CDH13: variants seen among roughly 807,000 people sequenced by gnomAD.
CDH13 encodes the protein cadherin 13.
In CDH13, 24 loss-of-function variants were observed where a neutral mutation model predicts 63.8. That is an observed-to-expected ratio of 0.38 (90% CI 0.27 to 0.53). The LOEUF (loss-of-function observed/expected upper bound fraction) is 0.53, where lower values mean the gene tolerates loss of function less well. Ranked by LOEUF, CDH13 falls within the 20% of genes least tolerant of loss-of-function variation. The probability of loss-of-function intolerance (pLI) is 0.85; values close to 1 mark genes in which losing one functional copy is unlikely to be tolerated. For missense variants in CDH13, 1,049 were observed against 903.1 expected, an observed-to-expected ratio of 1.16 and a Z score of -2.07; for synonymous variants, 503 against 355.3, an observed-to-expected ratio of 1.42 and a Z score of -4.67.
chr16:82,708,684 C>T (rs886080976), intron 1 of CDH13, among the ~76,000 whole-genome samples: 1 of 152,142 alleles, frequency 6.6e-6, no homozygotes, highest in Non-Finnish European at 1.5e-5. Context: ...GTCTAAAACA[C>T]CATGACCACT....
intron 5 of CDH13, among the ~76,000 whole-genome samples, chr16:83,255,062 A>G (rs913022922): frequency 2.6e-4 from 40 of 151,048 alleles, no homozygotes; most frequent in African/African-American, 7.4e-4. Flanking sequence ...TTCTTTGCCC[A>G]AGGTGTCTGT....
chr16:82,904,927 C>T (rs1379601170), intron 2 of CDH13, among the ~76,000 whole-genome samples: 4 of 152,078 alleles, frequency 2.6e-5, no homozygotes, highest in Admixed American at 1.3e-4. Flanking sequence ...CCATGGAGTG[C>T]AGTTTCTCCC....
chr16:82,634,191 G>A (rs975927003), intron 1 of CDH13, among the ~76,000 whole-genome samples: 2 of 152,254 alleles, frequency 1.3e-5, no homozygotes, highest in African/African-American at 4.8e-5. Flanking sequence ...CCGGAAATGA[G>A]CTCAGCCTCT....
At chr16:82,660,904 T>A (rs751021807) in intron 1 of CDH13, among the ~76,000 whole-genome samples, 3 of 151,976 alleles carry the variant, frequency 2.0e-5, no homozygotes, top group African/African-American at 7.2e-5. Flanking sequence ...TATAACTGAT[T>A]ATAATTTAAC....
chr16:82,816,143 C>T (rs763600158), intron 1 of CDH13, among the ~76,000 whole-genome samples: 2 of 152,122 alleles, frequency 1.3e-5, no homozygotes, highest in Non-Finnish European at 2.9e-5. Context: ...CCAGTGACCT[C>T]AGGGTCAGCC....
intron 2 of CDH13, among the ~76,000 whole-genome samples, chr16:82,900,839 T>C (rs2041443309): frequency 6.6e-6 from 1 of 152,216 alleles, no homozygotes; most frequent in Admixed American, 6.5e-5. Flanking sequence ...AGAAATTCTA[T>C]GGCAGAAACT....
chr16:83,496,115 C>T (rs532083862), intron 7 of CDH13, among the ~76,000 whole-genome samples: 1 of 152,120 alleles, frequency 6.6e-6, no homozygotes, highest in South Asian at 2.1e-4. Flanking sequence ...GTGCCATCCC[C>T]ATCAAGCTAC....
At chr16:82,768,117 A>G (rs1597511980) in intron 1 of CDH13, among the ~76,000 whole-genome samples, 1 of 152,212 alleles carries the variant, frequency 6.6e-6, no homozygotes, top group Non-Finnish European at 1.5e-5. Flanking sequence ...AAGCCTAAAC[A>G]TGAAGTCATG....
At chr16:83,499,489 T>A (rs892332848) in intron 7 of CDH13, among the ~76,000 whole-genome samples, 1 of 152,230 alleles carries the variant, frequency 6.6e-6, no homozygotes, top group African/African-American at 2.4e-5. Context: ...CATCATTAGC[T>A]TGAACAACCA....
intron 1 of CDH13, among the ~76,000 whole-genome samples, chr16:82,632,337 C>A (rs930914816): frequency 3.3e-5 from 5 of 152,186 alleles, no homozygotes; most frequent in South Asian, 4.1e-4. Context: ...GAGGGACTGG[C>A]CTTTTCTCCT....
chr16:83,026,250 A>G (rs566740868), intron 2 of CDH13, among the ~76,000 whole-genome samples: 9 of 152,294 alleles, frequency 5.9e-5, no homozygotes, highest in Admixed American at 2.0e-4. Context: ...TCCTTTCTCC[A>G]CTTGCCCATC....
At chr16:82,864,667 C>T (rs2040060197) in intron 2 of CDH13, among the ~76,000 whole-genome samples, 3 of 152,190 alleles carry the variant, frequency 2.0e-5, no homozygotes, top group South Asian at 4.2e-4. Flanking sequence ...ATGGGGATTA[C>T]AATTCAAGAT....
chr16:82,881,869 C>T (rs948696773), intron 2 of CDH13, among the ~76,000 whole-genome samples: 1 of 152,080 alleles, frequency 6.6e-6, no homozygotes, highest in Admixed American at 6.6e-5. Flanking sequence ...CAGAGCTCAC[C>T]CCTTTTTGAG....
At chr16:83,470,338 T>G (rs570567599) in intron 6 of CDH13, among the ~76,000 whole-genome samples, 99 of 152,316 alleles carry the variant, frequency 6.5e-4, no homozygotes, top group African/African-American at 2.1e-3. Context: ...ATTACAGATG[T>G]GAGCACTACA....
intron 2 of CDH13, among the ~76,000 whole-genome samples, chr16:82,924,351 A>G (rs7404959): frequency 0.38 from 57,929 of 151,896 alleles, 12,105 homozygotes; most frequent in Non-Finnish European, 0.47. Context: ...AAAAGTCAAC[A>G]TAATGTTAAA....
intron 3 of CDH13, among the ~76,000 whole-genome samples, chr16:83,105,382 C>T (rs1195411361): frequency 6.6e-6 from 1 of 152,198 alleles, no homozygotes; most frequent in African/African-American, 2.4e-5. Flanking sequence ...CATGTGAAGT[C>T]GAGGCTGAGC....
Position 83,280,022 on chromosome 16 carries a change from G to A in CDH13, c.636+62525G>A, listed in dbSNP as rs190320749. On this transcript the variant is annotated intron_variant, in intron 5 of 13. Coordinates refer to ENST00000567109, the MANE Select transcript of CDH13 (RefSeq NM_001257.5). ...TGCTGGTAAAGAGTCTTGCCGCAAT[G>A]TTGATGGCTGCAGATTGATCAGGGT... Among the ~76,000 whole-genome samples the A allele has an allele frequency of 2.5e-3, 381 of 152,304 alleles. 4 individuals carry two copies. The highest frequency in any genetic ancestry group is 8.9e-3 in the African/African-American group (372 of 41,576).
chr16:83,323,186 C>CT (rs1474212827), intron 5 of CDH13, among the ~76,000 whole-genome samples: 3 of 98,584 alleles, frequency 3.0e-5, no homozygotes, highest in Admixed American at 9.2e-5. Flanking sequence ...TTCTTTCTTT[C>CT]TTTCTTTCTT....
chr16:83,514,175 A>G (rs1392868867), intron 7 of CDH13, among the ~76,000 whole-genome samples: 1 of 152,172 alleles, frequency 6.6e-6, no homozygotes, highest in African/African-American at 2.4e-5. Context: ...AATCCTCACA[A>G]TTACTCCATG....
Sources: gnomAD v4.1 joint callset for allele counts (sites outside exome capture counted in the v4.1 genomes callset) on GRCh38, gnomAD v4.1.1 for gene constraint, MANE v1.5 for transcripts, NCBI Gene and HGNC (gene_info 2026-07-23, HGNC 2026-07-21) for gene names.